Variants in NRG1 observed in about 807,000 individuals in gnomAD.
NRG1 encodes the protein neuregulin 1, also known as pro-neuregulin-1, membrane-bound isoform.
NRG1 carries 18 observed loss-of-function variants against 63.8 expected under a neutral mutation model. The observed-to-expected ratio is 0.28, with a 90% CI of 0.19 to 0.42. NRG1 has a LOEUF of 0.42. Among genes scored for constraint, NRG1 ranks in the 10% least tolerant of loss-of-function variants. The pLI, the probability that NRG1 is intolerant of heterozygous loss-of-function variation, is 1.00. For missense variants in NRG1, 762 were observed against 814.7 expected, an observed-to-expected ratio of 0.94 and a Z score of 0.79; for synonymous variants, 302 against 301.3, an observed-to-expected ratio of 1.00 and a Z score of -0.02.
At chr8:32,430,751 T>G (rs563028745) in intron 1 of NRG1, among the ~76,000 whole-genome samples, 1 of 152,134 alleles carries the variant, frequency 6.6e-6, no homozygotes. Context: ...ACATTTATGG[T>G]CTGATTATAC....
At chr8:32,021,055 T>C (rs1816352150) in intron 1 of NRG1, among the ~76,000 whole-genome samples, 1 of 152,212 alleles carries the variant, frequency 6.6e-6, no homozygotes. Context: ...AAAGTTGAAA[T>C]TGCGTTATAT....
intron 1 of NRG1, among the ~76,000 whole-genome samples, chr8:32,515,735 C>G (rs569073270): frequency 6.6e-6 from 1 of 152,254 alleles, no homozygotes; most frequent in South Asian, 2.1e-4. Flanking sequence ...CCACTATGCT[C>G]AGGCCTTTGC....
chr8:32,321,198 C>G (rs530970060), intron 1 of NRG1, among the ~76,000 whole-genome samples: 1 of 152,176 alleles, frequency 6.6e-6, no homozygotes, highest in South Asian at 2.1e-4. Flanking sequence ...GTTCCATCCA[C>G]TAGTCAATTT....
chr8:32,758,964 G>T (rs1299322928), intron 9 of NRG1, among the ~76,000 whole-genome samples: 3 of 152,160 alleles, frequency 2.0e-5, no homozygotes, highest in Admixed American at 1.3e-4. Context: ...ATGAATGTTG[G>T]ATGGATATTT....
chr8:32,258,949 A>G (rs969007195), intron 1 of NRG1, among the ~76,000 whole-genome samples: 2 of 152,196 alleles, frequency 1.3e-5, no homozygotes, highest in Non-Finnish European at 2.9e-5. Context: ...ATTGGGCAAT[A>G]TTAGCATCCA....
intron 1 of NRG1, among the ~76,000 whole-genome samples, chr8:32,305,119 A>T (rs1856037779): frequency 6.6e-6 from 1 of 152,138 alleles, no homozygotes; most frequent in Non-Finnish European, 1.5e-5. Context: ...ATATCATGCC[A>T]CTTTGAAGAA....
exon 12 of NRG1, chr8:32,765,351 A>G (rs1212475658): frequency 3.9e-5 from 6 of 152,204 alleles, no homozygotes; most frequent in Non-Finnish European, 7.3e-5. Context: ...AAAAAGAAGC[A>G]TATTACGGCA....
chr8:32,425,260 G>T lies in NRG1; in HGVS notation c.38-170568G>T, dbSNP rs1288837802. Among the ~76,000 whole-genome samples, 7 of 152,318 alleles carry T rather than the reference G, an allele frequency of 4.6e-5. No homozygotes were observed. The East Asian group carries it at 1.4e-3, about 29-fold the overall frequency. Reference sequence around the variant, plus strand: ...AATATCCATAGAACAAATGCCTTCAGGCAGGAGAAGTTGGGATAATGTCAA... The same window carrying T: ...AATATCCATAGAACAAATGCCTTCATGCAGGAGAAGTTGGGATAATGTCAA... On this transcript the variant is annotated intron_variant, in intron 1 of 10. Coordinates refer to the NRG1 transcript ENST00000519301.
At position 32,133,318 on chromosome 8, in the gene NRG1, G is replaced by A. The variant is rs200938210; in HGVS notation, c.38-462510G>A. Among the ~76,000 whole-genome samples, 10 of 152,076 alleles carry A rather than the reference G, an allele frequency of 6.6e-5. No homozygotes were observed. In the East Asian group the frequency reaches 1.7e-3, roughly 26 times the overall value. ...GTTTAGAAAAAGTGGGTATGGAGAA[G>A]TCCCTGAATTCTAGTTTTTGCCAAA... On this transcript the variant is annotated intron_variant, in intron 1 of 10. Coordinates refer to the NRG1 transcript ENST00000519301.
chr8:32,104,468 T>A (rs1585318083), intron 1 of NRG1, among the ~76,000 whole-genome samples: 2 of 152,234 alleles, frequency 1.3e-5, no homozygotes, highest in South Asian at 4.1e-4. Flanking sequence ...AACACTATAT[T>A]TAGGCTACCT....
intron 1 of NRG1, among the ~76,000 whole-genome samples, chr8:32,216,983 C>T (rs922563228): frequency 6.6e-6 from 1 of 151,788 alleles, no homozygotes; most frequent in Non-Finnish European, 1.5e-5. Context: ...GAGACCAAGG[C>T]GGGAGGATCT....
chr8:32,239,155 A>AT (rs918515153), intron 1 of NRG1, among the ~76,000 whole-genome samples: 9 of 151,572 alleles, frequency 5.9e-5, no homozygotes, highest in Admixed American at 2.0e-4. Flanking sequence ...AGCTTAATTT[A>AT]TTTTTTTTTA....
intron 1 of NRG1, among the ~76,000 whole-genome samples, chr8:31,736,588 A>G (rs75090519): frequency 0.01 from 1,591 of 152,286 alleles, 29 homozygotes; most frequent in African/African-American, 0.036. Context: ...CTTAGTTTCT[A>G]TGTAGACCTG....
intron 1 of NRG1, among the ~76,000 whole-genome samples, chr8:31,908,054 T>C (rs1019110659): frequency 6.6e-6 from 1 of 152,170 alleles, no homozygotes; most frequent in African/African-American, 2.4e-5. Flanking sequence ...ATTTCAGCCA[T>C]GCATATGTGT....
intron 5 of NRG1, among the ~76,000 whole-genome samples, chr8:32,639,270 G>T (rs1048386878): frequency 2.5e-4 from 38 of 152,144 alleles, no homozygotes; most frequent in African/African-American, 8.9e-4. Flanking sequence ...GCCAGGTGTG[G>T]TGGTGCATGC....
chr8:32,478,273 CT>C (rs1824790145), intron 1 of NRG1, among the ~76,000 whole-genome samples: 1 of 152,142 alleles, frequency 6.6e-6, no homozygotes, highest in South Asian at 2.1e-4. Flanking sequence ...GTGGGGGGGC[CT>C]TTTTGCAGCC....
chr8:32,083,360 C>T (rs1409411813), intron 1 of NRG1, among the ~76,000 whole-genome samples: 1 of 152,096 alleles, frequency 6.6e-6, no homozygotes, highest in East Asian at 1.9e-4. Context: ...AACTCTACTT[C>T]GGTTACAAAT....
chr8:32,488,201 T>C (rs895598130), intron 1 of NRG1, among the ~76,000 whole-genome samples: 5 of 152,164 alleles, frequency 3.3e-5, no homozygotes, highest in African/African-American at 1.2e-4. Context: ...AGAACAGAGT[T>C]TCCAATCACT....
intron 7 of NRG1, among the ~76,000 whole-genome samples, chr8:32,743,595 T>TATATATATATATATAA (rs1439936922): frequency 7.1e-6 from 1 of 141,792 alleles, no homozygotes; most frequent in Non-Finnish European, 1.6e-5. Context: ...TATATATATA[T>TATATATATATATATAA]AAAACTTAAT....
Sources: gnomAD v4.1 joint callset for allele counts (sites outside exome capture counted in the v4.1 genomes callset) on GRCh38, gnomAD v4.1.1 for gene constraint, MANE v1.5 for transcripts, NCBI Gene and HGNC (gene_info 2026-07-23, HGNC 2026-07-21) for gene names.